MKLN1: variants seen among roughly 807,000 people sequenced by gnomAD.
MKLN1 encodes muskelin 1, also known as muskelin.
In MKLN1, 18 loss-of-function variants were observed where a neutral mutation model predicts 99.0. The ratio of observed to expected loss-of-function variants is 0.18; its 90% CI spans 0.13 to 0.27. The LOEUF (loss-of-function observed/expected upper bound fraction) is 0.27. Ranked by LOEUF, MKLN1 falls within the 10% of genes least tolerant of loss-of-function variation. The pLI is 1.00. For missense variants in MKLN1, 621 were observed against 875.9 expected (o/e 0.71, Z 3.67); for synonymous variants, 288 against 293.2 (o/e 0.98, Z 0.18).
chr7:131,155,716 C>A (rs572988014), intron 2 of MKLN1, among the ~76,000 whole-genome samples: 1 of 152,114 alleles, frequency 6.6e-6, no homozygotes, highest in Non-Finnish European at 1.5e-5. Flanking sequence ...TCTGGCCTAA[C>A]CCCTTCATTT....
At chr7:131,128,207 A>C (rs1168586066) in intron 1 of MKLN1, among the ~76,000 whole-genome samples, 2 of 121,110 alleles carry the variant, frequency 1.7e-5, no homozygotes. Context: ...CTCTGATTCA[A>C]AAAAAAAAAA....
At chr7:131,381,299 A>G (rs1003628787) in intron 2 of MKLN1, among the ~76,000 whole-genome samples, 1 of 152,198 alleles carries the variant, frequency 6.6e-6, no homozygotes, top group Non-Finnish European at 1.5e-5. Context: ...AGTCATCTTG[A>G]AAGACATGTT....
At chr7:131,355,733 T>A (rs1435123518) in intron 1 of MKLN1, among the ~76,000 whole-genome samples, 1 of 150,464 alleles carries the variant, frequency 6.6e-6, no homozygotes, top group Non-Finnish European at 1.5e-5. Context: ...TGATCATAGC[T>A]CACTGGAACC....
chr7:131,144,339 G>A (rs142415937), intron 2 of MKLN1, among the ~76,000 whole-genome samples: 5,910 of 151,588 alleles, frequency 0.039, 291 homozygotes, highest in South Asian at 0.24. Flanking sequence ...AAAATTAGCC[G>A]GGCGTGGTGG....
chr7:131,226,781 CTG>C (rs1475770633), intron 3 of MKLN1, among the ~76,000 whole-genome samples: 5 of 151,880 alleles, frequency 3.3e-5, no homozygotes, highest in Non-Finnish European at 5.9e-5. Context: ...CTCTCATTTG[CTG>C]TGTGTTTTTG....
At chr7:131,404,396 C>A (rs1287266329) in intron 6 of MKLN1, among the ~76,000 whole-genome samples, 1 of 152,088 alleles carries the variant, frequency 6.6e-6, no homozygotes, top group African/African-American at 2.4e-5. Context: ...GATCAGTTAA[C>A]TTTAGCCTTG....
chr7:131,275,574 T>A (rs1458985212), intron 3 of MKLN1, among the ~76,000 whole-genome samples: 236 of 90,064 alleles, frequency 2.6e-3, no homozygotes, highest in African/African-American at 6.7e-3. Context: ...TATATTTTTT[T>A]TTTTTTTTTT....
chr7:131,112,378 C>T (rs954595955), intron 1 of MKLN1, among the ~76,000 whole-genome samples: 4 of 152,178 alleles, frequency 2.6e-5, no homozygotes, highest in Non-Finnish European at 5.9e-5. Context: ...TAATATCTAT[C>T]CATAGGAACC....
chr7:131,282,557 G>A (rs1434920513), intron 3 of MKLN1, among the ~76,000 whole-genome samples: 1 of 152,156 alleles, frequency 6.6e-6, no homozygotes, highest in Admixed American at 6.5e-5. Flanking sequence ...GGACGTGGAG[G>A]CTATAGAGGT....
At chr7:131,478,806 T>G in intron 17 of MKLN1, 129 bp downstream of exon 17, 1 of 1,148,662 alleles carries the variant, frequency 8.7e-7, no homozygotes, top group Non-Finnish European at 1.3e-6. Context: ...AGTTTCAAGG[T>G]ATCATGCAAA....
chr7:131,219,845 C>T (rs1386953591), intron 3 of MKLN1, among the ~76,000 whole-genome samples: 2 of 152,024 alleles, frequency 1.3e-5, no homozygotes, highest in African/African-American at 4.8e-5. Flanking sequence ...AAAAAGTTTC[C>T]TCATACTTAC....
At chr7:131,139,818 G>A (rs1795704777) in intron 1 of MKLN1, among the ~76,000 whole-genome samples, 1 of 152,168 alleles carries the variant, frequency 6.6e-6, no homozygotes, top group East Asian at 1.9e-4. Flanking sequence ...GGACACAAAA[G>A]GCTAATTTGG....
At position 131,479,833 on chromosome 7, in the gene MKLN1, T is replaced by TAAG. The variant is rs1373752542; in HGVS notation, c.2086+1158_2086+1159insGAA. Among the ~76,000 whole-genome samples the TAAG allele has an allele frequency of 1.3e-4, 16 of 120,228 alleles. No individual in the cohort carries two copies. In the East Asian group the frequency reaches 4.2e-3, roughly 31 times the overall value. 78.9% of individuals were successfully genotyped at this position (120,228 alleles called of 152,430 possible). ...CAGAGTGAGACTCCGTCTCAAAAAATAATAATAATAATAAATTTAAATAAA... is the reference window on the plus strand; with the variant it reads ...CAGAGTGAGACTCCGTCTCAAAAAATAAGAATAATAATAATAAATTTAAATAAA... On this transcript the variant is annotated intron_variant, in intron 17 of 17. Transcript: ENST00000352689.
chr7:131,466,954 C>A (rs1339198978), intron 15 of MKLN1, among the ~76,000 whole-genome samples: 1 of 152,106 alleles, frequency 6.6e-6, no homozygotes, highest in Non-Finnish European at 1.5e-5. Context: ...CACGCAGGCA[C>A]CCTGAGTCAT....
intron 9 of MKLN1, 71 bp from the exon 10 acceptor site, chr7:131,437,714 C>T: frequency 8.4e-7 from 1 of 1,186,240 alleles, no homozygotes; most frequent in Non-Finnish European, 1.2e-6. Context: ...TTTAATTTTT[C>T]TATTATTTGT....
At chr7:131,388,112 A>C (rs780558471) in intron 3 of MKLN1, among the ~76,000 whole-genome samples, 3 of 152,212 alleles carry the variant, frequency 2.0e-5, no homozygotes, top group African/African-American at 7.2e-5. Flanking sequence ...GGTTGCAGTG[A>C]GCCAAGATCG....
At chr7:131,133,814 AATTTGG>A (rs1795601817) in intron 1 of MKLN1, among the ~76,000 whole-genome samples, 15 of 32,964 alleles carry the variant, frequency 4.6e-4, no homozygotes, top group East Asian at 9.0e-4. Context: ...TTTTTTTTTT[AATTTGG>A]TTTTTTTTTT....
At chr7:131,165,936 G>A (rs1295444586) in intron 2 of MKLN1, among the ~76,000 whole-genome samples, 2 of 152,132 alleles carry the variant, frequency 1.3e-5, no homozygotes, top group Non-Finnish European at 2.9e-5. Context: ...GCAACATGGC[G>A]AAACCCCATC....
At chr7:131,124,054 A>G (rs930042854) in intron 1 of MKLN1, among the ~76,000 whole-genome samples, 3 of 152,238 alleles carry the variant, frequency 2.0e-5, no homozygotes, top group Non-Finnish European at 4.4e-5. Flanking sequence ...TGGGGTGATT[A>G]CATACACCAT....
Sources: allele counts gnomAD v4.1 joint callset (sites outside exome capture counted in the v4.1 genomes callset), GRCh38; gene constraint gnomAD v4.1.1; transcripts MANE v1.5; gene names NCBI Gene and HGNC (gene_info 2026-07-23, HGNC 2026-07-21).